GOLGA3: variants seen among roughly 807,000 people sequenced by gnomAD.
GOLGA3 encodes the protein golgin subfamily A member 3.
A neutral mutation model predicts 169.4 loss-of-function variants in GOLGA3; 75 were observed. That is an observed-to-expected ratio of 0.44 (90% CI 0.37 to 0.54). GOLGA3 has a LOEUF of 0.54. GOLGA3 is among the 20% of genes least tolerant of loss of function. The pLI, the probability that GOLGA3 is intolerant of heterozygous loss-of-function variation, is 0.00. For missense variants in GOLGA3, 1,899 were observed against 1,930.0 expected (o/e 0.98, Z 0.30); for synonymous variants, 824 against 822.4 (o/e 1.00, Z -0.03).
Position 132,804,164 on chromosome 12 carries a change from A to G in GOLGA3, c.1597+552T>C, listed in dbSNP as rs1371619031. The stretch of plus-strand genomic sequence containing the variant: ...TATAGGGAGGCAGCTGGACCGACGC[A>G]CTGCATCCAGGGAGAAAAGGTTGCC... On this transcript the variant is annotated intron_variant, in intron 7 of 23. Transcript: ENST00000450791. The surrounding 1 kb of genome is among the most constrained non-coding windows in gnomAD (Gnocchi z 4.1). Among the ~76,000 whole-genome samples the G allele has an allele frequency of 2.0e-5, 3 of 152,204 alleles. No homozygotes were observed. Among genetic ancestry groups the G allele is most frequent in the Non-Finnish European group, 2.9e-5 (2 of 68,040 alleles).
At position 132,807,992 on chromosome 12, in the gene GOLGA3, G is replaced by A. The variant is rs1413663778; in HGVS notation, c.1077C>T (p.Pro359=). 4 of 1,613,208 alleles carry A rather than the reference G, an allele frequency of 2.5e-6. No homozygotes were observed. In the South Asian group the frequency reaches 3.3e-5, roughly 13 times the overall value. Reference sequence around the variant, plus strand: ...CGGCCTGGAGGACGTCCTTAATGGAGGGGAACTGGCCCAGGGTATCCGCAG... The same window carrying A: ...CGGCCTGGAGGACGTCCTTAATGGAAGGGAACTGGCCCAGGGTATCCGCAG... ...EIPADTLGQF[P]SIKDVLQAAA... is the part of the protein sequence containing the mutation. Residue 359 remains proline, a synonymous_variant, in exon 5 of 24, where the codon CCC becomes CCT. Transcript: ENST00000450791.
chr12:132,791,674 G>A (rs1436218799), intron 11 of GOLGA3, among the ~76,000 whole-genome samples: 1 of 127,006 alleles, frequency 7.9e-6, no homozygotes, highest in Non-Finnish European at 1.6e-5. Flanking sequence ...AGAGGGGGAT[G>A]CATGTGCATG....
intron 11 of GOLGA3, among the ~76,000 whole-genome samples, chr12:132,791,690 T>TAC (rs2046242573): frequency 2.4e-5 from 3 of 124,486 alleles, no homozygotes; most frequent in South Asian, 5.8e-4. Flanking sequence ...GCATGAATAT[T>TAC]ACACTGAGGG....
At position 132,789,349 on chromosome 12, in the gene GOLGA3, G is replaced by A. The variant is rs895671762; in HGVS notation, c.2548-59C>T. On this transcript the variant is annotated intron_variant, in intron 12 of 23. Transcript: ENST00000450791. ...GCGGCGGGGCGTGGGGGGCGTACCT[G>A]GGGGTCAAGCTGGCTTCAACAAAAA... 20 of 1,443,970 alleles carry A rather than the reference G, an allele frequency of 1.4e-5. No homozygotes were observed. The South Asian group carries it at 2.3e-4, about 17-fold the overall frequency. The allele number at this position is 1,443,970 out of a possible 1,614,324, so 89.4% of individuals were successfully genotyped here.
intron 8 of GOLGA3, among the ~76,000 whole-genome samples, chr12:132,798,769 A>G (rs1474477250): frequency 6.6e-6 from 1 of 152,122 alleles, no homozygotes; most frequent in Admixed American, 6.5e-5. Context: ...TTGACAAGGC[A>G]TCTCTGAGCC....
intron 1 of GOLGA3, chr12:132,826,318 G>A (rs975095103): frequency 2.9e-6 from 2 of 685,084 alleles, no homozygotes; most frequent in East Asian, 5.5e-5. Context: ...CTGAACAGAA[G>A]GAAGGATGGG....
chr12:132,814,252 G>A (rs896834044), intron 3 of GOLGA3, among the ~76,000 whole-genome samples: 3 of 150,884 alleles, frequency 2.0e-5, no homozygotes, highest in African/African-American at 4.9e-5. Flanking sequence ...TCGAACTCCC[G>A]ACCTGAGGTG....
rs375387444 is a variant in GOLGA3 at position 132,798,391 on chromosome 12, G to T, written c.1887C>A (p.His629Gln). 7 of 1,613,574 alleles carry T rather than the reference G, an allele frequency of 4.3e-6. No individual in the cohort carries two copies. In the African/African-American group the frequency reaches 8.0e-5, roughly 18 times the overall value. ...TGCGCCCCTTCTCCTTCATGGACCT[G>T]TGCTGAGTTTCCGTCAGCTGCTGGG... ...SLSQQLTETQ[H>Q]RSMKEKGRIA... Residue 629 changes from histidine to glutamine, a missense_variant, in exon 9 of 24, where the codon CAC becomes CAA. Transcript: ENST00000450791.
chr12:132,782,104 G>C (rs1179750802), intron 17 of GOLGA3, among the ~76,000 whole-genome samples, 192 bp downstream of exon 17: 1 of 152,062 alleles, frequency 6.6e-6, no homozygotes, highest in Non-Finnish European at 1.5e-5. Flanking sequence ...CCCTCGGAGA[G>C]CCCAGCCCTG....
intron 7 of GOLGA3, among the ~76,000 whole-genome samples, chr12:132,802,911 C>T (rs10732709): frequency 0.69 from 104,865 of 151,392 alleles, 36,590 homozygotes; most frequent in East Asian, 0.8. Context: ...CAAAATTAGC[C>T]GGGCGCGGTG....
In GOLGA3 at chr12:132,771,561, G is replaced by C. The variant is rs1302190088; in HGVS notation, c.*1544C>G. 6.6e-6 allele frequency: 1 copy of C among 152,166 alleles called. No homozygotes were observed. 9.4% of individuals were successfully genotyped at this position (152,166 alleles called of 1,614,324 possible). A position where few individuals can be genotyped will look rare whatever the true frequency, so the allele number is the denominator to read the frequency against. ...GATTTTAAATAAGGCATCTGTCTCT[G>C]AGACACCTGGGAGAGCACAGCCACC... On this transcript the variant is annotated 3_prime_UTR_variant, in exon 24 of 24. Transcript: ENST00000450791.
chr12:132,828,718 G>C (rs1017822637), intron 1 of GOLGA3, 85 bp downstream of exon 1: 2 of 4,124 alleles, frequency 4.8e-4, no homozygotes, highest in African/African-American at 7.8e-4. Context: ...GCCGCCCCTC[G>C]AGCCTCCCCC....
chr12:132,787,075 T>C, intron 13 of GOLGA3, among the ~76,000 whole-genome samples: 1 of 152,044 alleles, frequency 6.6e-6, no homozygotes. Context: ...TGCCTCAGCC[T>C]CCCGAGTGGC....
Position 132,771,161 on chromosome 12 carries a change from T to C in GOLGA3, c.*1944A>G, listed in dbSNP as rs892352778. 2 of 152,670 alleles carry C rather than the reference T, an allele frequency of 1.3e-5. No homozygotes were observed. Among genetic ancestry groups the C allele is most frequent in the Non-Finnish European group, 1.5e-5 (1 of 68,048 alleles). The allele number at this position is 152,670 out of a possible 1,614,324, so 9.5% of individuals were successfully genotyped here. On this transcript the variant is annotated 3_prime_UTR_variant, in exon 24 of 24. Coordinates refer to ENST00000450791, the MANE Select transcript of GOLGA3 (RefSeq NM_001389683.1). ...GGAAATTCCAATATTTGCTAGAGAA[T>C]ATTTTTTAAATACCAAACATCTTTG...
chr12:132,804,913 C>A lies in GOLGA3; in HGVS notation c.1400G>T (p.Ser467Ile). 6.2e-7 allele frequency: 1 copy of A among 1,613,934 alleles called. No homozygotes were observed. Among genetic ancestry groups the A allele is most frequent in the Non-Finnish European group, 8.5e-7 (1 of 1,180,032 alleles). ...CTGCTTCAGGGTGTCCACCTCCGAG[C>A]TCAGCGAATCCTGCCGCTGCTGGCT... ...HSSQQRQDSL[S>I]SEVDTLKQSC... Residue 467 changes from serine (S) to isoleucine (I), a missense_variant, in exon 7 of 24, where the codon AGC (serine) becomes ATC (isoleucine). By Grantham distance (142) the Ser-to-Ile change is moderately radical. Coordinates refer to ENST00000450791, the MANE Select transcript of GOLGA3 (RefSeq NM_001389683.1). The surrounding 1 kb of genome is among the most constrained non-coding windows in gnomAD (Gnocchi z 4.1).
intron 21 of GOLGA3, 123 bp from the exon 22 acceptor site, chr12:132,775,428 C>CGAGG: frequency 2.6e-6 from 2 of 782,626 alleles, no homozygotes; most frequent in African/African-American, 1.8e-5. Flanking sequence ...TAGATGATGC[C>CGAGG]AGTCCAGGTC....
chr12:132,803,964 C>T (rs1949256222), intron 7 of GOLGA3, among the ~76,000 whole-genome samples: 1 of 152,228 alleles, frequency 6.6e-6, no homozygotes, highest in African/African-American at 2.4e-5. Flanking sequence ...CCTGTTCACG[C>T]TTGCTCTGAG....
chr12:132,786,821 C>T, intron 13 of GOLGA3, 34 bp from the exon 14 acceptor site: 2 of 1,392,644 alleles, frequency 1.4e-6, no homozygotes, highest in Non-Finnish European at 2.0e-6. Context: ...AGGAGCGGCA[C>T]TGCCACCCCC....
At chr12:132,796,844 G>A in intron 9 of GOLGA3, 144 bp from the exon 10 acceptor site, 1 of 889,976 alleles carries the variant, frequency 1.1e-6, no homozygotes, top group Admixed American at 2.4e-5. Context: ...TGCAGACTGA[G>A]GGCCCAGGAT....
Sources: gnomAD v4.1 joint callset for allele counts (sites outside exome capture counted in the v4.1 genomes callset) on GRCh38, gnomAD v4.1.1 for gene constraint, Gnocchi (gnomAD v3.1) non-coding constraint, MANE v1.5 for transcripts, NCBI Gene and HGNC (gene_info 2026-07-23, HGNC 2026-07-21) for gene names.